PDK1: variants seen among roughly 807,000 people sequenced by gnomAD.
PDK1 encodes [Pyruvate dehydrogenase (acetyl-transferring)] kinase isozyme 1, mitochondrial.
In PDK1, 39 loss-of-function variants were observed where a neutral mutation model predicts 54.2. That is an observed-to-expected ratio of 0.72 (90% CI 0.56 to 0.94). The LOEUF is 0.94. Among genes scored for constraint, PDK1 ranks in the 40% least tolerant of loss-of-function variants. The pLI, the probability that PDK1 is intolerant of heterozygous loss-of-function variation, is 0.00. For missense variants in PDK1, 552 were observed against 566.0 expected, an observed-to-expected ratio of 0.98 and a Z score of 0.25; for synonymous variants, 221 against 207.1, an observed-to-expected ratio of 1.07 and a Z score of -0.58.
chr2:172,564,510 G>C lies in PDK1; in HGVS notation c.418G>C (p.Asp140His), dbSNP rs775309907. 5.6e-6 allele frequency: 9 copies of C among 1,612,890 alleles called. No homozygotes were observed. Among genetic ancestry groups the C allele is most frequent in the Non-Finnish European group, 5.1e-6 (6 of 1,179,174 alleles). Residue 140 changes from aspartate to histidine, a missense_variant, in exon 4 of 11, where the codon GAT becomes CAT. Transcript: ENST00000282077. Reference sequence around the variant, plus strand: ...ACAGATGGGTTTGTTTAGCTTTACAGATACTGTGATACGGATCAGAAACCG... The same window carrying C: ...ACAGATGGGTTTGTTTAGCTTTACACATACTGTGATACGGATCAGAAACCG... ...EDAKAIYDFT[D>H]TVIRIRNRHN...
chr2:172,672,168 A>G, the PDK1 span, among the ~76,000 whole-genome samples: 1 of 152,148 alleles, frequency 6.6e-6, no homozygotes, highest in Non-Finnish European at 1.5e-5. Context: ...TATTGATTTT[A>G]TATTCTTTAT....
At chr2:172,662,493 C>CGTGTGTGTGTGTGT in the PDK1 span, among the ~76,000 whole-genome samples, 11,230 of 143,490 alleles carry the variant, frequency 0.078, 629 homozygotes, top group African/African-American at 0.14. Flanking sequence ...TTTTTAAAAT[C>CGTGTGTGTGTGTGT]GTGTGTGTGT....
intron 2 of PDK1, among the ~76,000 whole-genome samples, chr2:172,559,546 T>A (rs1419085751): frequency 1.3e-5 from 2 of 152,114 alleles, no homozygotes; most frequent in African/African-American, 4.8e-5. Flanking sequence ...TGTTATTATT[T>A]TTATTTACTT....
chr2:172,594,106 C>T (rs6719527), intron 10 of PDK1, among the ~76,000 whole-genome samples: 6,208 of 148,776 alleles, frequency 0.042, 435 homozygotes, highest in African/African-American at 0.15. Context: ...GGCATGATCT[C>T]GGCTCACTGC....
chr2:172,594,163 G>C (rs1041482578), intron 10 of PDK1, among the ~76,000 whole-genome samples: 1 of 151,196 alleles, frequency 6.6e-6, no homozygotes. Context: ...TCAGCCTTCC[G>C]AATAGCTGGG....
At chr2:172,611,981 T>A (rs1317500978), downstream of PDK1, among the ~76,000 whole-genome samples, 2 of 152,220 alleles carry the variant, frequency 1.3e-5, no homozygotes, top group African/African-American at 4.8e-5. Flanking sequence ...GAGTCAGAAT[T>A]CAAAAGAAAT....
downstream of PDK1, among the ~76,000 whole-genome samples, chr2:172,611,868 G>A (rs571892695): frequency 1.3e-5 from 2 of 152,354 alleles, no homozygotes; most frequent in South Asian, 4.1e-4. Flanking sequence ...TGGTCCCCAC[G>A]TTGGGATCTG....
chr2:172,662,979 T>C, the PDK1 span, among the ~76,000 whole-genome samples: 10 of 152,198 alleles, frequency 6.6e-5, no homozygotes, highest in Non-Finnish European at 1.3e-4. Flanking sequence ...TGTGGGGACA[T>C]ATTCAATGCA....
intron 9 of PDK1, among the ~76,000 whole-genome samples, chr2:172,588,763 C>T (rs1303318518): frequency 1.3e-5 from 2 of 152,216 alleles, no homozygotes; most frequent in South Asian, 2.1e-4. Flanking sequence ...GGAGGGCTTC[C>T]TCCCTGTGGA....
chr2:172,558,995 C>T (rs1280087908), intron 2 of PDK1, 146 bp downstream of exon 2: 3 of 814,032 alleles, frequency 3.7e-6, no homozygotes, highest in African/African-American at 3.6e-5. Flanking sequence ...GTCGCCCAGG[C>T]TGGAGTGCAG....
chr2:172,706,119 G>C, the PDK1 span, among the ~76,000 whole-genome samples: 1 of 152,152 alleles, frequency 6.6e-6, no homozygotes, highest in Non-Finnish European at 1.5e-5. Context: ...CTCTCATGTG[G>C]CTTGGTAATA....
At chr2:172,645,331 C>T in the PDK1 span, among the ~76,000 whole-genome samples, 10 of 116,044 alleles carry the variant, frequency 8.6e-5, no homozygotes, top group Non-Finnish European at 1.6e-4. Flanking sequence ...AGTGCAGTGG[C>T]ACGATCTCGG....
chr2:172,635,523 C>T, the PDK1 span, among the ~76,000 whole-genome samples: 1 of 152,194 alleles, frequency 6.6e-6, no homozygotes, highest in East Asian at 1.9e-4. Flanking sequence ...GCCATGTTAG[C>T]CAGACTAGTC....
upstream of PDK1, chr2:172,555,539 T>C (rs1459793766): frequency 6.6e-6 from 1 of 152,128 alleles, no homozygotes; most frequent in Non-Finnish European, 1.5e-5. Flanking sequence ...CGTATTTACG[T>C]ACTACTGTTT....
In PDK1 at chr2:172,566,864, G is replaced by A; in HGVS notation, c.700G>A (p.Glu234Lys). Residue 234 changes from glutamate to lysine, a missense_variant, in exon 6 of 11, where the codon GAA becomes AAA. Transcript: ENST00000282077. ...GTTTTGATTCACACTAGATGGCTAT[G>A]AAAATGCTAGGCGTCTGTGTGATTT... ...NVLEVIKDGY[E>K]NARRLCDLYY... 6.2e-7 allele frequency: 1 copy of A among 1,607,556 alleles called. No homozygotes were observed. The highest frequency in any genetic ancestry group is 8.5e-7 in the Non-Finnish European group (1 of 1,175,098).
chr2:172,681,616 T>A, the PDK1 span, among the ~76,000 whole-genome samples: 5 of 152,306 alleles, frequency 3.3e-5, no homozygotes, highest in African/African-American at 1.2e-4. Flanking sequence ...AGACATGATG[T>A]TCTAGTTGCG....
At chr2:172,622,094 A>ATATCTCATATATCATGTGAGATATGTT in the PDK1 span, among the ~76,000 whole-genome samples, 1 of 139,150 alleles carries the variant, frequency 7.2e-6, no homozygotes, top group African/African-American at 2.6e-5. Flanking sequence ...AGATATGTTT[A>ATATCTCATATATCATGTGAGATATGTT]TATCTCATAT....
At chr2:172,689,744 T>TTATAGAATCATTACAGAGTA in the PDK1 span, among the ~76,000 whole-genome samples, 10 of 150,994 alleles carry the variant, frequency 6.6e-5, no homozygotes, top group South Asian at 2.1e-4. Flanking sequence ...AAACAAGAAA[T>TTATAGAATCATTACAGAGTA]GGGCAAAAGA....
chr2:172,627,268 C>G, the PDK1 span, among the ~76,000 whole-genome samples: 1 of 152,220 alleles, frequency 6.6e-6, no homozygotes, highest in African/African-American at 2.4e-5. Flanking sequence ...AACATTCAGA[C>G]ATTATCTGCA....
Sources: allele counts gnomAD v4.1 joint callset (sites outside exome capture counted in the v4.1 genomes callset), GRCh38; gene constraint gnomAD v4.1.1; transcripts MANE v1.5; gene names NCBI Gene and HGNC (gene_info 2026-07-23, HGNC 2026-07-21).